The following HK1 variants were observed in gnomAD, a reference collection of about 807,000 sequenced individuals.
HK1 encodes hexokinase-1.
Under a neutral mutation model 91.6 loss-of-function variants are expected in HK1, and 28 were observed. The observed-to-expected ratio is 0.31, with a 90% CI of 0.23 to 0.42. The LOEUF is 0.42. Ranked by LOEUF, HK1 falls within the 10% of genes least tolerant of loss-of-function variation. The probability of loss-of-function intolerance (pLI) is 1.00; values close to 1 mark genes in which losing one functional copy is unlikely to be tolerated. For synonymous variants in HK1, 430 were observed against 468.1 expected, an observed-to-expected ratio of 0.92 and a Z score of 1.05; for missense variants, 770 against 1,219.8, an observed-to-expected ratio of 0.63 and a Z score of 5.49.
At chr10:69,348,021 C>T (rs1848655697) in intron 2 of HK1, among the ~76,000 whole-genome samples, 1 of 152,124 alleles carries the variant, frequency 6.6e-6, no homozygotes, top group Admixed American at 6.5e-5. Context: ...CTGTGCCCAG[C>T]CTCCCCCATT....
chr10:69,371,450 TTCTGTGAC>T (rs1396078693), intron 7 of HK1, among the ~76,000 whole-genome samples: 1 of 152,168 alleles, frequency 6.6e-6, no homozygotes, highest in Non-Finnish European at 1.5e-5. Flanking sequence ...TCTGGAGGTA[TTCTGTGAC>T]ACATGGCATG....
intron 3 of HK1, among the ~76,000 whole-genome samples, chr10:69,289,314 G>A (rs1039040998): frequency 6.6e-5 from 10 of 152,062 alleles, no homozygotes; most frequent in African/African-American, 2.4e-4. Context: ...TATCCCCCTG[G>A]TTAATTGCTT....
intron 1 of HK1, among the ~76,000 whole-genome samples, chr10:69,335,812 A>G (rs1198787497): frequency 6.6e-6 from 1 of 152,228 alleles, no homozygotes; most frequent in Admixed American, 6.5e-5. Context: ...CAGAAGTCAA[A>G]TGCAGGTGTC....
chr10:69,380,184 G>A lies in HK1; in HGVS notation c.1265+89G>A, dbSNP rs1309578926. ...GATCAGACTTTTGTACCCGGTAAAC[G>A]TTTTTCGGCAGACAAGACAATGGTG... On this transcript the variant is annotated intron_variant, in intron 9 of 17. Coordinates refer to ENST00000359426, the MANE Select transcript of HK1 (RefSeq NM_000188.3). This position sits in a 1 kb window ranked among gnomAD's most constrained non-coding sequence, Gnocchi z 4.0. 1.3e-5 allele frequency: 14 copies of A among 1,079,804 alleles called. No individual in the cohort carries two copies. The highest frequency in any genetic ancestry group is 2.6e-5 in the South Asian group (2 of 76,944). 66.9% of individuals were successfully genotyped at this position (1,079,804 alleles called of 1,614,324 possible). A position where few individuals can be genotyped will look rare whatever the true frequency, so the allele number is the denominator to read the frequency against.
intron 3 of HK1, among the ~76,000 whole-genome samples, chr10:69,289,560 C>A (rs540395201): frequency 7.8e-4 from 114 of 145,948 alleles, no homozygotes; most frequent in Non-Finnish European, 1.4e-3. Flanking sequence ...TAACCTCTGC[C>A]TCCTGGGTTA....
chr10:69,323,797 G>A (rs1847178150), intron 1 of HK1, among the ~76,000 whole-genome samples: 1 of 152,146 alleles, frequency 6.6e-6, no homozygotes, highest in Non-Finnish European at 1.5e-5. Flanking sequence ...ATGCTCCCAC[G>A]CTCCTACTGT....
chr10:69,401,140 C>G lies in HK1; in HGVS notation c.*5C>G, dbSNP rs1378954510. On this transcript the variant is annotated 3_prime_UTR_variant, in exon 18 of 18. Transcript: ENST00000359426. ...CGCACAGAGGCAAGCAGCTAAGAGT[C>G]CGGGATCCCCAGCCTACTGCCTCTC... 27 of 1,612,778 alleles carry G rather than the reference C, an allele frequency of 1.7e-5. No homozygotes were observed. The Admixed American group carries it at 3.2e-4, about 19-fold the overall frequency.
intron 2 of HK1, among the ~76,000 whole-genome samples, chr10:69,348,164 C>A (rs906366904): frequency 2.0e-5 from 3 of 152,054 alleles, no homozygotes; most frequent in African/African-American, 7.2e-5. Context: ...TCCTACACAG[C>A]CTTTACCCAA....
chr10:69,311,397 A>G (rs1490319449), upstream of HK1, among the ~76,000 whole-genome samples: 1 of 152,156 alleles, frequency 6.6e-6, no homozygotes, highest in African/African-American at 2.4e-5. Context: ...TGCTAACTCG[A>G]AGGAAAGGAT....
intron 2 of HK1, among the ~76,000 whole-genome samples, chr10:69,344,833 C>T (rs189375370): frequency 8.7e-6 from 1 of 114,304 alleles, no homozygotes; most frequent in South Asian, 2.7e-4. Context: ...CAGGAATCCC[C>T]TGTTAGCTGT....
At chr10:69,288,924 T>C (rs981295697) in intron 3 of HK1, among the ~76,000 whole-genome samples, 5 of 152,184 alleles carry the variant, frequency 3.3e-5, no homozygotes, top group African/African-American at 1.2e-4. Context: ...TAGCTGGGAT[T>C]ACAGGCATGG....
chr10:69,349,737 C>T (rs1848750529), intron 2 of HK1, among the ~76,000 whole-genome samples: 1 of 152,128 alleles, frequency 6.6e-6, no homozygotes, highest in Non-Finnish European at 1.5e-5. Context: ...GGGAGCCAAC[C>T]CGAGGTAAAA....
rs1839143651 is a variant in HK1, at chr10:69,376,934, G to A, written c.876G>A (p.Leu292=). 6.2e-7 allele frequency: 1 copy of A among 1,614,184 alleles called. No individual in the cohort carries two copies. ...DRGSLNPGKQ[L]FEKMVSGMYL... ...AGTGCCGGTGTGCCTTTCTCCACAG[G>A]TTTGAGAAGATGGTCAGTGGCATGT... is the stretch of plus-strand genomic sequence containing the variant. The change falls in exon 8 of 18, where the codon CTG becomes CTA. Residue 292 remains leucine (L), a splice_region_variant and synonymous_variant. Transcript: ENST00000359426.
intron 9 of HK1, among the ~76,000 whole-genome samples, chr10:69,381,546 CTTTTT>C (rs35306200): frequency 1.5e-5 from 2 of 132,234 alleles, no homozygotes; most frequent in Non-Finnish European, 3.2e-5. Flanking sequence ...TCATCTTAAC[CTTTTT>C]TTTTTTTTTT....
intron 2 of HK1, among the ~76,000 whole-genome samples, chr10:69,355,529 C>T (rs1419820375): frequency 6.6e-6 from 1 of 152,138 alleles, no homozygotes; most frequent in East Asian, 1.9e-4. Flanking sequence ...GTGGCTCATG[C>T]CTGTAATCCT....
At position 69,338,269 on chromosome 10, in the gene HK1, C is replaced by T. The variant is rs547978646; in HGVS notation, c.64-5558C>T. ...AGGAAGGGCTCTTCACTCTGGGCAG[C>T]GGTGGACAGAGGCCCTGGAGGCTGG... On this transcript the variant is annotated intron_variant, in intron 1 of 17. Transcript: ENST00000359426. The T allele has an allele frequency of 2.1e-5, 24 of 1,169,630 alleles. No homozygotes were observed. The African/African-American group carries it at 2.6e-4, about 12-fold the overall frequency. The allele number at this position is 1,169,630 out of a possible 1,614,324, so 72.5% of individuals were successfully genotyped here.
At chr10:69,399,224 GGA>G (rs1840279610) in intron 17 of HK1, among the ~76,000 whole-genome samples, 1 of 152,160 alleles carries the variant, frequency 6.6e-6, no homozygotes. Context: ...TTAAGAAAGG[GGA>G]GGAGCTGGGT....
rs184404342 is a variant in HK1, at chr10:69,333,560, C to T, written c.64-10267C>T. On this transcript the variant is annotated intron_variant, in intron 1 of 17. Coordinates refer to ENST00000359426, the MANE Select transcript of HK1 (RefSeq NM_000188.3). The stretch of plus-strand genomic sequence containing the variant: ...CCACTTTTACCAGTCAGGAAGCTCC[C>T]TTTAGAACCTCCAGGCCCTACTCAG... 2.3e-3 allele frequency among the ~76,000 whole-genome samples: 343 copies of T among 152,198 alleles called. 3 individuals carry two copies. The highest frequency in any genetic ancestry group is 7.9e-3 in the African/African-American group (330 of 41,536).
At chr10:69,272,509 C>T (rs1844219065) in intron 1 of HK1, among the ~76,000 whole-genome samples, 1 of 152,160 alleles carries the variant, frequency 6.6e-6, no homozygotes, top group African/African-American at 2.4e-5. Context: ...TCTTTTTACC[C>T]TTCCTTTTTT....
Sources: gnomAD v4.1 joint callset for allele counts (sites outside exome capture counted in the v4.1 genomes callset) on GRCh38, gnomAD v4.1.1 for gene constraint, Gnocchi (gnomAD v3.1) non-coding constraint, MANE v1.5 for transcripts, NCBI Gene and HGNC (gene_info 2026-07-23, HGNC 2026-07-21) for gene names.